FOXI3: variants seen among roughly 807,000 people sequenced by gnomAD.
FOXI3 encodes the protein forkhead box protein I3.
Under a neutral mutation model 15.6 loss-of-function variants are expected in FOXI3, and 4 were observed. The ratio of observed to expected loss-of-function variants is 0.26; its 90% CI spans 0.13 to 0.59. The LOEUF is 0.59. Ranked by LOEUF, FOXI3 falls within the 20% of genes least tolerant of loss-of-function variation. FOXI3 has a pLI of 0.90. For missense variants in FOXI3, 489 were observed against 548.2 expected, an observed-to-expected ratio of 0.89 and a Z score of 1.08; for synonymous variants, 238 against 244.4, an observed-to-expected ratio of 0.97 and a Z score of 0.25.
rs1187053449 is a variant in FOXI3 at position 88,448,347 on chromosome 2, T to G, written c.1123A>C (p.Ser375Arg). The G allele has an allele frequency of 6.4e-7, 1 of 1,551,496 alleles. No homozygotes were observed. The highest frequency in any genetic ancestry group is 1.4e-5 in the African/African-American group (1 of 73,034). Residue 375 changes from serine (S) to arginine (R), a missense_variant, in exon 2 of 2, where the codon AGC becomes CGC. Around this residue, in one of 3 missense-constraint regions of FOXI3, gnomAD observed 263 missense variants for 285.5 expected, o/e 0.92. Coordinates refer to ENST00000428390, the MANE Select transcript of FOXI3 (RefSeq NM_001135649.3). ...TAATAGGAAGATCTCTGGCCGGTGC[T>G]ATTGCTGGTGCTATTGCTCAGTTGC... Reference protein sequence around the residue: ...TLQLSNSTSNSTGQRSSYYSP... With the variant: ...TLQLSNSTSNRTGQRSSYYSP...
chr2:88,448,744 A>G lies in FOXI3; in HGVS notation c.726T>C (p.Ser242=), dbSNP rs1351327658. ...GNFRRKRKRR[S]EASNGSTVAA... is the part of the protein sequence containing the mutation. Reference sequence around the variant, plus strand: ...CCACTGTGGAGCCATTGCTGGCCTCAGAGCGGCGCTTTCGCTTCCGACGGA... The same window carrying G: ...CCACTGTGGAGCCATTGCTGGCCTCGGAGCGGCGCTTTCGCTTCCGACGGA... The change falls in exon 2 of 2, where the codon TCT becomes TCC. Residue 242 remains serine (S), a synonymous_variant. Coordinates refer to ENST00000428390, the MANE Select transcript of FOXI3 (RefSeq NM_001135649.3). 2.6e-6 allele frequency: 4 copies of G among 1,551,960 alleles called. No individual in the cohort carries two copies. Among genetic ancestry groups the G allele is most frequent in the Non-Finnish European group, 3.5e-6 (4 of 1,147,054 alleles).
At chr2:88,451,802 G>A in intron 1 of FOXI3, 94 bp downstream of exon 1, 1 of 1,524,404 alleles carries the variant, frequency 6.6e-7, no homozygotes, top group South Asian at 1.2e-5. Flanking sequence ...GAAGACTCCT[G>A]GCAGATCTTC....
Position 88,448,544 on chromosome 2 carries a change from G to A in FOXI3, c.926C>T (p.Thr309Ile). The A allele has an allele frequency of 1.3e-6, 2 of 1,551,682 alleles. No individual in the cohort carries two copies. Among genetic ancestry groups the A allele is most frequent in the South Asian group, 1.2e-5 (1 of 84,052 alleles). Residue 309 changes from threonine (T) to isoleucine (I), a missense_variant, in exon 2 of 2, where the codon ACC becomes ATC. Physicochemically the swap from Thr to Ile is moderately conservative, Grantham distance 89. Transcript: ENST00000428390. ...SSPGGPMLTS[T>I]PCLNTFFSSL... Reference sequence around the variant, plus strand: ...GCTGAAGAAAGTGTTGAGACAAGGGGTGGAGGTGAGCATGGGTCCTCCAGG... The same window carrying A: ...GCTGAAGAAAGTGTTGAGACAAGGGATGGAGGTGAGCATGGGTCCTCCAGG...
rs1676060406 is a variant in FOXI3 at position 88,452,164 on chromosome 2, C to G, written c.372G>C (p.Ala124=). The G allele has an allele frequency of 1.5e-6, 2 of 1,354,170 alleles. No individual in the cohort carries two copies. Among genetic ancestry groups the G allele is most frequent in the South Asian group, 4.3e-5 (2 of 47,028 alleles). The allele number at this position is 1,354,170 out of a possible 1,614,324, so 83.9% of individuals were successfully genotyped here. Residue 124 remains alanine (A), a synonymous_variant, in exon 1 of 2, where the codon GCG becomes GCC. Coordinates refer to ENST00000428390, the MANE Select transcript of FOXI3 (RefSeq NM_001135649.3). ...ACAGCCAGCCCAGCTCCCCGGGCCC[C>G]GCGGGCGCGGCGGGCGAGGCGGGCG... ...PAAPASPAAP[A]GPGELGWLSM...
intron 1 of FOXI3, among the ~76,000 whole-genome samples, chr2:88,449,446 G>A (rs906467812): frequency 1.3e-5 from 2 of 152,170 alleles, no homozygotes; most frequent in Non-Finnish European, 2.9e-5. Flanking sequence ...ATTTCAAAAT[G>A]ACAAAAAAAA....
Position 88,448,652 on chromosome 2 carries a change from G to C in FOXI3, c.818C>G (p.Pro273Arg). The C allele has an allele frequency of 1.9e-6, 3 of 1,551,788 alleles. No individual in the cohort carries two copies. Among genetic ancestry groups the C allele is most frequent in the Non-Finnish European group, 2.6e-6 (3 of 1,147,020 alleles). Residue 273 changes from proline to arginine, a missense_variant, in exon 2 of 2, where the codon CCA becomes CGA. Pro to Arg is a moderately radical substitution (Grantham distance 103). Coordinates refer to ENST00000428390, the MANE Select transcript of FOXI3 (RefSeq NM_001135649.3). ...SGLGSGVGGK[P>R]EEESPSTLLR... The stretch of plus-strand genomic sequence containing the variant: ...CAGAGTGGAGGGGCTCTCTTCTTCT[G>C]GCTTCCCACCCACTCCAGACCCCAA...
At chr2:88,451,368 A>C (rs1676039874) in intron 1 of FOXI3, among the ~76,000 whole-genome samples, 1 of 152,186 alleles carries the variant, frequency 6.6e-6, no homozygotes, top group Non-Finnish European at 1.5e-5. Context: ...CCGTGCCACT[A>C]TCTCTAGAGG....
chr2:88,449,834 T>C (rs1676011811), intron 1 of FOXI3, among the ~76,000 whole-genome samples: 1 of 152,188 alleles, frequency 6.6e-6, no homozygotes, highest in African/African-American at 2.4e-5. Context: ...ATAGGCAATA[T>C]AACTCCTTCC....
intron 1 of FOXI3, 33 bp downstream of exon 1, chr2:88,451,863 C>A: frequency 1.2e-6 from 2 of 1,600,628 alleles, no homozygotes; most frequent in Non-Finnish European, 1.7e-6. Flanking sequence ...GTCCGCCCTC[C>A]CCGGCTGGGA....
rs1172359106 is a variant in FOXI3 at position 88,448,543 on chromosome 2, G to A, written c.927C>T (p.Thr309=). Reference sequence around the variant, plus strand: ...TGCTGAAGAAAGTGTTGAGACAAGGGGTGGAGGTGAGCATGGGTCCTCCAG... The same window carrying A: ...TGCTGAAGAAAGTGTTGAGACAAGGAGTGGAGGTGAGCATGGGTCCTCCAG... ...SSPGGPMLTS[T]PCLNTFFSSL... Residue 309 remains threonine (T), a synonymous_variant, in exon 2 of 2, where the codon ACC becomes ACT. Coordinates refer to ENST00000428390, the MANE Select transcript of FOXI3 (RefSeq NM_001135649.3). The A allele has an allele frequency of 5.2e-6, 8 of 1,551,554 alleles. No individual in the cohort carries two copies. Among genetic ancestry groups the A allele is most frequent in the Non-Finnish European group, 7.0e-6 (8 of 1,146,990 alleles).
chr2:88,450,814 CAAGGGATTTTGAAGA>C (rs1182610868), intron 1 of FOXI3, among the ~76,000 whole-genome samples: 1 of 152,092 alleles, frequency 6.6e-6, no homozygotes, highest in African/African-American at 2.4e-5. Flanking sequence ...GTAAAATACA[CAAGGGATTTTGAAGA>C]CTTAGTACCG....
At chr2:88,450,578 C>T (rs1047674970) in intron 1 of FOXI3, among the ~76,000 whole-genome samples, 4 of 152,122 alleles carry the variant, frequency 2.6e-5, no homozygotes, top group African/African-American at 4.8e-5. Flanking sequence ...TATTGTGCCA[C>T]GTTGGTACCA....
In FOXI3 at chr2:88,452,058, T is replaced by A. The variant is rs1451814966; in HGVS notation, c.478A>T (p.Ser160Cys). 1 of 1,587,422 alleles carries A rather than the reference T, an allele frequency of 6.3e-7. No homozygotes were observed. Among genetic ancestry groups the A allele is most frequent in the Admixed American group, 1.8e-5 (1 of 55,118 alleles). ...AGAGTGAGTTTGCGCTCGGGCGCGC[T>A]CTGAATGGCCATGGCGATGAGCGCC... ...YSALIAMAIQ[S>C]APERKLTLSH... The change falls in exon 1 of 2, where the codon AGC (serine) becomes TGC (cysteine). Residue 160 changes from serine to cysteine, a missense_variant. Coordinates refer to ENST00000428390, the MANE Select transcript of FOXI3 (RefSeq NM_001135649.3).
At chr2:88,449,800 G>A (rs1025433884) in intron 1 of FOXI3, among the ~76,000 whole-genome samples, 11 of 152,092 alleles carry the variant, frequency 7.2e-5, no homozygotes, top group Non-Finnish European at 7.4e-5. Context: ...GATAACCTCA[G>A]CTACTCCTCA....
intron 1 of FOXI3, among the ~76,000 whole-genome samples, chr2:88,450,615 G>T (rs1676028033): frequency 6.6e-6 from 1 of 152,036 alleles, no homozygotes; most frequent in African/African-American, 2.4e-5. Flanking sequence ...ACTAGCCATA[G>T]ACCCCTGACC....
chr2:88,452,011 G>A lies in FOXI3; in HGVS notation c.525C>T (p.Val175=), dbSNP rs368709803. The A allele has an allele frequency of 4.4e-6, 7 of 1,608,962 alleles. No individual in the cohort carries two copies. Among genetic ancestry groups the A allele is most frequent in the South Asian group, 2.2e-5 (2 of 90,356 alleles). The change falls in exon 1 of 2, where the codon GTC becomes GTT. Residue 175 remains valine (V), a synonymous_variant. Transcript: ENST00000428390. The stretch of plus-strand genomic sequence containing the variant: ...GCTGGTAGAAGGGGAAGCTATCGGC[G>A]ACGAACTGGTAGATGTGGCTGAGAG... The part of the protein sequence containing the change: ...KLTLSHIYQF[V]ADSFPFYQRS...
At position 88,451,907 on chromosome 2, in the gene FOXI3, T is replaced by C. The variant is rs749482680; in HGVS notation, c.629A>G (p.Glu210Gly). The change falls in exon 1 of 2, where the codon GAG (glutamate) becomes GGG (glycine). Residue 210 changes from glutamate to glycine, a missense_variant. Physicochemically the swap from Glu to Gly is moderately conservative, Grantham distance 98. Coordinates refer to ENST00000428390, the MANE Select transcript of FOXI3 (RefSeq NM_001135649.3). ...NDCFKKVPRD[E>G]DDPGKGNYWT... is the part of the protein sequence containing the mutation. Reference sequence around the variant, plus strand: ...CCAGCGGCCCTCACCTGGGTCGTCCTCGTCGCGGGGCACCTTCTTGAAGCA... The same window carrying C: ...CCAGCGGCCCTCACCTGGGTCGTCCCCGTCGCGGGGCACCTTCTTGAAGCA... 1.9e-5 allele frequency: 31 copies of C among 1,613,326 alleles called. No homozygotes were observed. Among genetic ancestry groups the C allele is most frequent in the Non-Finnish European group, 2.6e-5 (31 of 1,179,726 alleles).
In FOXI3 at chr2:88,448,577, G is replaced by A; in HGVS notation, c.893C>T (p.Ala298Val). ...PEPPEGTKST[A>V]SSPGGPMLTS... ...GAGCATGGGTCCTCCAGGAGATGAG[G>A]CAGTACTCTTGGTGCCCTCCGGAGG... Residue 298 changes from alanine to valine, a missense_variant, in exon 2 of 2, where the codon GCC becomes GTC. Transcript: ENST00000428390. 6.4e-7 allele frequency: 1 copy of A among 1,551,584 alleles called. No homozygotes were observed. The highest frequency in any genetic ancestry group is 8.7e-7 in the Non-Finnish European group (1 of 1,146,992).
chr2:88,451,039 G>A (rs1003043119), intron 1 of FOXI3, among the ~76,000 whole-genome samples: 4 of 152,068 alleles, frequency 2.6e-5, no homozygotes, highest in Admixed American at 6.6e-5. Context: ...AACTAAAATG[G>A]TTTCATCTCT....
Sources: gnomAD v4.1 joint callset for allele counts (sites outside exome capture counted in the v4.1 genomes callset) on GRCh38, gnomAD v4.1.1 for gene constraint, gnomAD v4.1.1 regional missense constraint, MANE v1.5 for transcripts, NCBI Gene and HGNC (gene_info 2026-07-23, HGNC 2026-07-21) for gene names.